The following RASGEF1B variants were observed in gnomAD, a reference collection of about 807,000 sequenced individuals.
RASGEF1B encodes the protein ras-GEF domain-containing family member 1B.
A neutral mutation model predicts 65.7 loss-of-function variants in RASGEF1B; 30 were observed. That is an observed-to-expected ratio of 0.46 (90% CI 0.34 to 0.62). The LOEUF is 0.62. Ranked by LOEUF, RASGEF1B falls within the 20% of genes least tolerant of loss-of-function variation. The probability of loss-of-function intolerance (pLI) is 0.01; values close to 1 mark genes in which losing one functional copy is unlikely to be tolerated. For synonymous variants in RASGEF1B, 175 were observed against 194.8 expected (o/e 0.90, Z 0.85); for missense variants, 495 against 580.1 (o/e 0.85, Z 1.51).
At chr4:81,470,006 A>G (rs1722967579) in intron 1 of RASGEF1B, among the ~76,000 whole-genome samples, 1 of 152,200 alleles carries the variant, frequency 6.6e-6, no homozygotes, top group African/African-American at 2.4e-5. Flanking sequence ...CTTGTTAATC[A>G]GTGGCTGATC....
intron 8 of RASGEF1B, among the ~76,000 whole-genome samples, chr4:81,444,027 A>G (rs1721936634): frequency 6.6e-6 from 1 of 152,224 alleles, no homozygotes; most frequent in East Asian, 1.9e-4. Flanking sequence ...TTCTCTGATG[A>G]CTAATGATGT....
chr4:81,448,643 C>G (rs1411275673), intron 4 of RASGEF1B, among the ~76,000 whole-genome samples: 2 of 152,174 alleles, frequency 1.3e-5, no homozygotes, highest in Non-Finnish European at 2.9e-5. Context: ...CAGTTTACTT[C>G]TGGTGGGTTG....
At chr4:81,438,438 C>G (rs1340264136) in intron 10 of RASGEF1B, among the ~76,000 whole-genome samples, 3 of 152,246 alleles carry the variant, frequency 2.0e-5, no homozygotes, top group Admixed American at 6.5e-5. Flanking sequence ...GCGTGGGCCA[C>G]CACGCCCGGC....
At chr4:81,446,184 G>A (rs1387952856) in intron 6 of RASGEF1B, among the ~76,000 whole-genome samples, 1 of 152,216 alleles carries the variant, frequency 6.6e-6, no homozygotes, top group African/African-American at 2.4e-5. Context: ...AGATCAGCCT[G>A]GCTAACATGG....
At chr4:81,449,624 C>T (rs1722177643) in intron 4 of RASGEF1B, among the ~76,000 whole-genome samples, 1 of 152,128 alleles carries the variant, frequency 6.6e-6, no homozygotes, top group African/African-American at 2.4e-5. Flanking sequence ...CCCAGTAAAC[C>T]TACAGATGTA....
In RASGEF1B at chr4:81,447,504, C is replaced by T. The variant is rs1487368463; in HGVS notation, c.729G>A (p.Lys243=). The change falls in exon 6 of 14, where the codon AAG becomes AAA. Residue 243 remains lysine (K), a splice_region_variant and synonymous_variant. Transcript: ENST00000264400. ...FVQKDPLDND[K]SCYSERKKTR... ...GCTGACCTTTGGGTAGACTGATTAC[C>T]TTGTCATTATCCAAAGGGTCCTTCT... is the stretch of plus-strand genomic sequence containing the variant. The T allele has an allele frequency of 1.2e-6, 2 of 1,612,546 alleles. No individual in the cohort carries two copies.
At chr4:81,469,799 G>C (rs1463767794) in intron 1 of RASGEF1B, among the ~76,000 whole-genome samples, 2 of 152,078 alleles carry the variant, frequency 1.3e-5, no homozygotes, top group Non-Finnish European at 2.9e-5. Context: ...GTTAGTATCA[G>C]ATAAAATATC....
At chr4:81,459,124 A>C (rs2109992078) in intron 2 of RASGEF1B, 2 of 479,670 alleles carry the variant, frequency 4.2e-6, no homozygotes, top group East Asian at 6.6e-5. Flanking sequence ...CTAACCTGAA[A>C]AGAAATTGAT....
intron 4 of RASGEF1B, 94 bp from the exon 5 acceptor site, chr4:81,448,378 G>A: frequency 9.4e-7 from 1 of 1,060,686 alleles, no homozygotes; most frequent in Non-Finnish European, 1.4e-6. Flanking sequence ...GATTTTACCT[G>A]GACATTGGAG....
intron 1 of RASGEF1B, among the ~76,000 whole-genome samples, chr4:81,466,550 C>G (rs186792816): frequency 1.6e-4 from 24 of 151,930 alleles, no homozygotes; most frequent in South Asian, 1.2e-3. Flanking sequence ...ACAAAGTCAG[C>G]AGATCGAGAC....
chr4:81,445,582 T>C lies in RASGEF1B; in HGVS notation c.872A>G (p.Asp291Gly), dbSNP rs1721990196. The C allele has an allele frequency of 2.5e-6, 4 of 1,614,086 alleles. No individual in the cohort carries two copies. Among genetic ancestry groups the C allele is most frequent in the East Asian group, 2.2e-5 (1 of 44,874 alleles). The change falls in exon 8 of 14, where the codon GAC becomes GGC. Residue 291 changes from aspartate to glycine, a missense_variant. Coordinates refer to ENST00000264400, the MANE Select transcript of RASGEF1B (RefSeq NM_152545.3). The stretch of plus-strand genomic sequence containing the variant: ...AATGTTAAAACACTCCCGAGCTACG[T>C]CAATGAAATACTCAATCATTCTTGC... ...HRARMIEYFIDVARECFNIGN... is the reference protein window; with the variant it reads ...HRARMIEYFIGVARECFNIGN...
chr4:81,436,281 G>A (rs1405217641), intron 10 of RASGEF1B, among the ~76,000 whole-genome samples: 1 of 152,106 alleles, frequency 6.6e-6, no homozygotes, highest in Non-Finnish European at 1.5e-5. Flanking sequence ...GCCTGTGTAT[G>A]ATGAACAAGT....
chr4:81,438,476 G>A (rs552376779), intron 10 of RASGEF1B, among the ~76,000 whole-genome samples: 1 of 152,308 alleles, frequency 6.6e-6, no homozygotes, highest in East Asian at 1.9e-4. Flanking sequence ...TTGAATAAAA[G>A]GTAGATTTAA....
At chr4:81,439,139 C>T (rs912792076) in intron 10 of RASGEF1B, among the ~76,000 whole-genome samples, 2 of 152,092 alleles carry the variant, frequency 1.3e-5, no homozygotes, top group Admixed American at 6.6e-5. Context: ...ATTTCTGGTT[C>T]TAGATCCTTG....
At chr4:81,458,518 G>T (rs953985628) in intron 2 of RASGEF1B, among the ~76,000 whole-genome samples, 2 of 152,118 alleles carry the variant, frequency 1.3e-5, no homozygotes, top group African/African-American at 4.8e-5. Context: ...GCACACCAAG[G>T]TTATCATTAA....
At chr4:81,445,936 AT>A (rs1722007841) in intron 6 of RASGEF1B, 98 bp from the exon 7 acceptor site, 1 of 813,862 alleles carries the variant, frequency 1.2e-6, no homozygotes, top group Non-Finnish European at 2.0e-6. Context: ...CAGTTTATGG[AT>A]TAGGAAAGCT....
chr4:81,456,094 A>G (rs889246027), intron 4 of RASGEF1B: 2 of 172,270 alleles, frequency 1.2e-5, no homozygotes, highest in Non-Finnish European at 2.4e-5. Flanking sequence ...TGAATATTAC[A>G]TGACCAGCTG....
At chr4:81,432,125 A>G (rs937548635) in intron 13 of RASGEF1B, among the ~76,000 whole-genome samples, 174 bp downstream of exon 13, 1 of 152,228 alleles carries the variant, frequency 6.6e-6, no homozygotes, top group Non-Finnish European at 1.5e-5. Context: ...GAAAGACAAT[A>G]AAGCAGAATG....
chr4:81,455,560 T>C (rs766111881), intron 4 of RASGEF1B: 5 of 152,248 alleles, frequency 3.3e-5, no homozygotes, highest in Admixed American at 6.5e-5. Context: ...CATTGCCAAA[T>C]GCTTCATCTA....
Sources: gnomAD v4.1 joint callset for allele counts (sites outside exome capture counted in the v4.1 genomes callset) on GRCh38, gnomAD v4.1.1 for gene constraint, MANE v1.5 for transcripts, NCBI Gene and HGNC (gene_info 2026-07-23, HGNC 2026-07-21) for gene names.